The following MARF1 variants were observed in gnomAD, a reference collection of about 807,000 sequenced individuals.
MARF1 encodes limkain-b1.
In MARF1, 24 loss-of-function variants were observed where a neutral mutation model predicts 168.2. The observed-to-expected ratio is 0.14, with a 90% CI of 0.10 to 0.20. The LOEUF is 0.20. MARF1 is among the 10% of genes least tolerant of loss of function. The pLI is 1.00. For missense variants in MARF1, 1,744 were observed against 2,143.6 expected (o/e 0.81, Z 3.68); for synonymous variants, 868 against 822.4 (o/e 1.06, Z -0.95).
At chr16:15,608,200 C>T (rs1002951008) in intron 21 of MARF1, 91 bp downstream of exon 21, 6 of 801,800 alleles carry the variant, frequency 7.5e-6, no homozygotes, top group Non-Finnish European at 7.8e-6. Flanking sequence ...TAAAGAAACG[C>T]TACAGCACAC....
intron 20 of MARF1, 80 bp from the exon 21 acceptor site, chr16:15,608,598 T>C: frequency 9.9e-7 from 1 of 1,011,394 alleles, no homozygotes; most frequent in East Asian, 2.6e-5. Flanking sequence ...AGTATGCAGC[T>C]AGTAATGAAA....
In MARF1 at chr16:15,609,454, A is replaced by G. The variant is rs910085876; in HGVS notation, c.3954+69T>C. Reference sequence around the variant, plus strand: ...CTACTTCCCAGAAAAACAGGTCTGGAACGTGAAAAAGTATTTCCTATACGT... The same window carrying G: ...CTACTTCCCAGAAAAACAGGTCTGGGACGTGAAAAAGTATTTCCTATACGT... On this transcript the variant is annotated intron_variant, in intron 20 of 26. Coordinates refer to ENST00000396368, the MANE Select transcript of MARF1 (RefSeq NM_014647.4). The G allele has an allele frequency of 3.8e-6, 5 of 1,323,734 alleles. No homozygotes were observed. The African/African-American group carries it at 5.9e-5, about 16-fold the overall frequency. 82.0% of individuals were successfully genotyped at this position (1,323,734 alleles called of 1,614,324 possible). A position where few individuals can be genotyped will look rare whatever the true frequency, so the allele number is the denominator to read the frequency against.
chr16:15,613,446 G>A (rs1403161237), intron 16 of MARF1, among the ~76,000 whole-genome samples: 3 of 151,656 alleles, frequency 2.0e-5, no homozygotes, highest in Non-Finnish European at 4.4e-5. Flanking sequence ...TCAGGAGATC[G>A]AGACCATCCT....
At chr16:15,613,378 G>C (rs920699693) in intron 16 of MARF1, among the ~76,000 whole-genome samples, 1 of 152,108 alleles carries the variant, frequency 6.6e-6, no homozygotes, top group African/African-American at 2.4e-5. Context: ...TGCTGGTCGC[G>C]GCGGCTCATG....
At chr16:15,634,304 C>T (rs1443807667) in intron 4 of MARF1, among the ~76,000 whole-genome samples, 1 of 152,184 alleles carries the variant, frequency 6.6e-6, no homozygotes, top group African/African-American at 2.4e-5. Context: ...GCTGCATTAA[C>T]ATCTGATTTA....
At chr16:15,611,300 A>G (rs1380606331) in intron 18 of MARF1, among the ~76,000 whole-genome samples, 192 bp from the exon 19 acceptor site, 4 of 152,118 alleles carry the variant, frequency 2.6e-5, no homozygotes, top group African/African-American at 9.7e-5. Flanking sequence ...CTACTAAAAA[A>G]TAGAAAAAAT....
intron 2 of MARF1, among the ~76,000 whole-genome samples, chr16:15,638,583 C>A (rs1386532058): frequency 6.7e-6 from 1 of 148,912 alleles, no homozygotes; most frequent in Non-Finnish European, 1.5e-5. Context: ...AAGACTGCAC[C>A]TCAAAAAAAA....
rs2034485855 is a variant in MARF1, at chr16:15,621,885, A to G, written c.2487T>C (p.His829=). 2 of 1,613,974 alleles carry G rather than the reference A, an allele frequency of 1.2e-6. No individual in the cohort carries two copies. Among genetic ancestry groups the G allele is most frequent in the Non-Finnish European group, 8.5e-7 (1 of 1,180,024 alleles). The change falls in exon 12 of 27, where the codon CAT becomes CAC. Residue 829 remains histidine (H), a synonymous_variant. Transcript: ENST00000396368. ...CAACAGCCTTGAGTTGATAATCTGTATGGGGGCTGAGCTCAACACTCTTCA... is the reference window on the plus strand; with the variant it reads ...CAACAGCCTTGAGTTGATAATCTGTGTGGGGGCTGAGCTCAACACTCTTCA... ...GKVKSVELSP[H]TDYQLKAVVQ...
intron 15 of MARF1, 142 bp downstream of exon 15, chr16:15,616,910 T>C (rs1264071849): frequency 8.2e-6 from 10 of 1,218,306 alleles, no homozygotes; most frequent in Non-Finnish European, 1.0e-5. Flanking sequence ...GGTGCATGAC[T>C]GTACTTTGAC....
At chr16:15,604,099 T>C in intron 22 of MARF1, 69 bp downstream of exon 22, 1 of 1,195,574 alleles carries the variant, frequency 8.4e-7, no homozygotes, top group South Asian at 1.3e-5. Flanking sequence ...ATCTAGACCA[T>C]CAGGTAATCC....
intron 12 of MARF1, among the ~76,000 whole-genome samples, chr16:15,621,200 C>T (rs1422223114): frequency 1.3e-5 from 2 of 152,088 alleles, no homozygotes; most frequent in Admixed American, 6.5e-5. Flanking sequence ...AGGAGTGGGT[C>T]CTGTTTTGCC....
intron 13 of MARF1, among the ~76,000 whole-genome samples, chr16:15,618,337 C>G (rs547110510): frequency 9.1e-4 from 138 of 152,266 alleles, no homozygotes; most frequent in Non-Finnish European, 1.6e-3. Context: ...TTCCACCTCC[C>G]GGAGAGACAC....
chr16:15,611,866 C>A, intron 17 of MARF1, 132 bp from the exon 18 acceptor site: 1 of 654,024 alleles, frequency 1.5e-6, no homozygotes, highest in Non-Finnish European at 2.5e-6. Context: ...ATTTGAAACA[C>A]ATGTCGATCA....
chr16:15,597,010 A>G lies in MARF1; in HGVS notation c.4985-73T>C, dbSNP rs1016142566. 9.5e-6 allele frequency: 14 copies of G among 1,466,994 alleles called. No individual in the cohort carries two copies. The African/African-American group carries it at 1.4e-4, about 15-fold the overall frequency. 90.9% of individuals were successfully genotyped at this position (1,466,994 alleles called of 1,614,324 possible). ...AGTGTGGGTTTTCTCTTCCTTGCTC[A>G]TATTTTCTCAAAAGATAATAATAGT... On this transcript the variant is annotated intron_variant, in intron 26 of 26. Transcript: ENST00000396368.
In MARF1 at chr16:15,625,530, C is replaced by T. The variant is rs766058694; in HGVS notation, c.1795G>A (p.Ala599Thr). The T allele has an allele frequency of 1.2e-6, 2 of 1,614,232 alleles. No homozygotes were observed. The highest frequency in any genetic ancestry group is 1.7e-6 in the Non-Finnish European group (2 of 1,180,044). The change falls in exon 8 of 27, where the codon GCT (alanine) becomes ACT (threonine). Residue 599 changes from alanine to threonine, a missense_variant. Ala to Thr is a moderately conservative substitution (Grantham distance 58, BLOSUM62 0). Coordinates refer to ENST00000396368, the MANE Select transcript of MARF1 (RefSeq NM_014647.4). Reference protein sequence around the residue: ...LCETKSSNAIADKVKSPKKLK... With the variant: ...LCETKSSNAITDKVKSPKKLK... ...TTTTTGGGAGACTTCACTTTATCAG[C>T]AATTGCATTTGAACTCTTTGTTTCA...
rs774593463 is a variant in MARF1 at position 15,608,414 on chromosome 16, G to C, written c.4059C>G (p.Asn1353Lys). The part of the protein sequence containing the change: ...FVKLLRSQKD[N>K]CLMMTDLLTE... ...TAAGGAGATCTGTCATCATAAGGCA[G>C]TTATCTTTTTGGGACCGAAGGAGTT... The change falls in exon 21 of 27, where the codon AAC (asparagine) becomes AAG (lysine). Residue 1353 changes from asparagine (N) to lysine (K), a missense_variant. This residue lies in a region of MARF1 where 543 missense variants were observed against 742.1 expected (regional missense o/e 0.73). Coordinates refer to ENST00000396368, the MANE Select transcript of MARF1 (RefSeq NM_014647.4). 1 of 1,614,068 alleles carries C rather than the reference G, an allele frequency of 6.2e-7. No homozygotes were observed. Among genetic ancestry groups the C allele is most frequent in the Middle Eastern group, 1.6e-4 (1 of 6,062 alleles).
chr16:15,613,306 T>C (rs1264469181), intron 16 of MARF1, among the ~76,000 whole-genome samples: 2 of 152,108 alleles, frequency 1.3e-5, no homozygotes, highest in East Asian at 3.9e-4. Flanking sequence ...TCTTGACTGC[T>C]TATACCTATT....
At chr16:15,598,349 C>T (rs779237273) in intron 26 of MARF1, among the ~76,000 whole-genome samples, 10 of 152,170 alleles carry the variant, frequency 6.6e-5, no homozygotes, top group Non-Finnish European at 1.2e-4. Flanking sequence ...AGCACAGGGT[C>T]AGTGCCAATG....
Position 15,617,445 on chromosome 16 carries a change from G to A in MARF1, c.2811C>T (p.Leu937=), listed in dbSNP as rs1418348990. 1 of 1,613,996 alleles carries A rather than the reference G, an allele frequency of 6.2e-7. No individual in the cohort carries two copies. The highest frequency in any genetic ancestry group is 1.1e-5 in the South Asian group (1 of 91,076). Residue 937 remains leucine, a synonymous_variant, in exon 14 of 27, where the codon CTC becomes CTT. Transcript: ENST00000396368. Reference sequence around the variant, plus strand: ...TCTGGCGGGCCTGACTGCTGGGTAGGAGACACACCAGCCGTCCGTTTCCTT... The same window carrying A: ...TCTGGCGGGCCTGACTGCTGGGTAGAAGACACACCAGCCGTCCGTTTCCTT... ...REQGNGRLVC[L]LPSSQARQSP... is the part of the protein sequence containing the mutation.
Sources: gnomAD v4.1 joint callset for allele counts (sites outside exome capture counted in the v4.1 genomes callset) on GRCh38, gnomAD v4.1.1 for gene constraint, gnomAD v4.1.1 regional missense constraint, MANE v1.5 for transcripts, NCBI Gene and HGNC (gene_info 2026-07-23, HGNC 2026-07-21) for gene names.